The following MAP3K4 variants were observed in gnomAD, a reference collection of about 807,000 sequenced individuals.
The protein encoded by MAP3K4 is mitogen-activated protein kinase kinase kinase 4.
MAP3K4 carries 67 observed loss-of-function variants against 185.6 expected under a neutral mutation model. That is an observed-to-expected ratio of 0.36 (90% CI 0.30 to 0.44). MAP3K4 has a LOEUF of 0.44. MAP3K4 is among the 20% of genes least tolerant of loss of function. MAP3K4 has a pLI of 1.00. For missense variants in MAP3K4, 1,551 were observed against 1,995.1 expected (o/e 0.78, Z 4.24); for synonymous variants, 702 against 710.4 (o/e 0.99, Z 0.19).
rs1488791357 is a variant in MAP3K4, at chr6:161,101,989, G to C, written c.3772G>C (p.Asp1258His). 6.2e-7 allele frequency: 1 copy of C among 1,613,438 alleles called. No individual in the cohort carries two copies. The highest frequency in any genetic ancestry group is 1.1e-5 in the South Asian group (1 of 91,042). The change falls in exon 18 of 27, where the codon GAT (aspartate) becomes CAT (histidine). Residue 1258 changes from aspartate (D) to histidine (H), a missense_variant. Around this residue, in one of 16 missense-constraint regions of MAP3K4, gnomAD observed 272 missense variants for 301.2 expected, o/e 0.90. Coordinates refer to ENST00000392142, the MANE Select transcript of MAP3K4 (RefSeq NM_005922.4). The surrounding 1 kb of genome is among the most constrained non-coding windows in gnomAD (Gnocchi z 5.1). ...SRHSSPTEER[D>H]EPAYPRGDSS... ...TCACTCAAGCCCCACGGAGGAGCGA[G>C]ATGGTGAGTGTTTTAAGGTGTTAGC... is the stretch of plus-strand genomic sequence containing the variant.
intron 3 of MAP3K4, among the ~76,000 whole-genome samples, chr6:161,057,717 T>A (rs1784307201): frequency 6.6e-6 from 1 of 152,226 alleles, no homozygotes; most frequent in African/African-American, 2.4e-5. Flanking sequence ...TCATGCTGCT[T>A]AATACAGTTG....
chr6:161,054,065 T>C lies in MAP3K4; in HGVS notation c.1707+4086T>C, dbSNP rs1035499223. Among the ~76,000 whole-genome samples, 1 of 152,240 alleles carries C rather than the reference T, an allele frequency of 6.6e-6. No individual in the cohort carries two copies. Among genetic ancestry groups the C allele is most frequent in the African/African-American group, 2.4e-5 (1 of 41,468 alleles). On this transcript the variant is annotated intron_variant, in intron 3 of 26. Transcript: ENST00000392142. The surrounding 1 kb of genome is among the most constrained non-coding windows in gnomAD (Gnocchi z 4.2). ...ATGTTTGATTTTTCTTATCTATGTC[T>C]TTATATATTTTTTGATTACGTTACT...
chr6:161,036,136 T>C (rs986092315), intron 2 of MAP3K4, among the ~76,000 whole-genome samples: 9 of 152,216 alleles, frequency 5.9e-5, no homozygotes, highest in African/African-American at 1.9e-4. Context: ...TGCTGGTCTG[T>C]GCGAGAGATA....
chr6:161,042,387 C>G (rs1172449801), intron 2 of MAP3K4, among the ~76,000 whole-genome samples: 1 of 152,176 alleles, frequency 6.6e-6, no homozygotes, highest in African/African-American at 2.4e-5. Context: ...ATTAGCTCTG[C>G]ATTACCTGAA....
chr6:161,013,571 G>A (rs941227327), intron 1 of MAP3K4, among the ~76,000 whole-genome samples: 2 of 145,830 alleles, frequency 1.4e-5, no homozygotes, highest in Admixed American at 6.6e-5. Context: ...CAAAAGTGAG[G>A]TTTAGCCCAT....
Position 161,093,762 on chromosome 6 carries a change from T to A in MAP3K4, c.3349-11T>A, listed in dbSNP as rs1231916546. On this transcript the variant is annotated splice_polypyrimidine_tract_variant and intron_variant, in intron 14 of 26. Coordinates refer to ENST00000392142, the MANE Select transcript of MAP3K4 (RefSeq NM_005922.4). This position sits in a 1 kb window ranked among gnomAD's most constrained non-coding sequence, Gnocchi z 5.2. The stretch of plus-strand genomic sequence containing the variant: ...TTCTCTTTACCTTTCCCATTTTCTT[T>A]TGGTTTCTAGAGTTTACAAGCCTTG... 1 of 1,584,062 alleles carries A rather than the reference T, an allele frequency of 6.3e-7. No individual in the cohort carries two copies. The highest frequency in any genetic ancestry group is 1.7e-5 in the Admixed American group (1 of 58,624).
In MAP3K4 at chr6:161,112,690, C is replaced by T; in HGVS notation, c.4542C>T (p.Ile1514=). Residue 1514 remains isoleucine, a synonymous_variant, in exon 25 of 27, where the codon ATC becomes ATT. Transcript: ENST00000392142. The surrounding 1 kb of genome is among the most constrained non-coding windows in gnomAD (Gnocchi z 5.1). ...GTAAYMAPEV[I]TRAKGEGHGR... is the part of the protein sequence containing the mutation. ...AAGCATACATGGCACCTGAAGTCAT[C>T]ACTCGTGCCAAAGGAGAGGGCCATG... 1 of 1,600,136 alleles carries T rather than the reference C, an allele frequency of 6.2e-7. No individual in the cohort carries two copies. Among genetic ancestry groups the T allele is most frequent in the African/African-American group, 1.3e-5 (1 of 74,368 alleles).
chr6:161,070,622 A>G lies in MAP3K4; in HGVS notation c.1722A>G (p.Pro574=), dbSNP rs779596335. The G allele has an allele frequency of 6.2e-7, 1 of 1,612,968 alleles. No homozygotes were observed. The highest frequency in any genetic ancestry group is 1.3e-5 in the African/African-American group (1 of 74,962). Residue 574 remains proline, a synonymous_variant, in exon 4 of 27, where the codon CCA becomes CCG. Coordinates refer to ENST00000392142, the MANE Select transcript of MAP3K4 (RefSeq NM_005922.4). The surrounding 1 kb of genome is among the most constrained non-coding windows in gnomAD (Gnocchi z 4.5). ...NDRPVEFSEF[P]DPMWGSDYVQ... is the part of the protein sequence containing the mutation. ...TTTTGTTATAGTTTTCTGAATTTCC[A>G]GATCCCATGTGGGGTTCAGATTATG... is the stretch of plus-strand genomic sequence containing the variant.
chr6:161,116,773 G>A lies in MAP3K4; in HGVS notation c.4807-77G>A, dbSNP rs113543788. The A allele has an allele frequency of 7.1e-4, 950 of 1,330,376 alleles. 6 individuals are homozygous for A. The African/African-American group carries it at 0.012, about 17-fold the overall frequency. 82.4% of individuals were successfully genotyped at this position (1,330,376 alleles called of 1,614,324 possible). On this transcript the variant is annotated intron_variant, in intron 26 of 26. Coordinates refer to ENST00000392142, the MANE Select transcript of MAP3K4 (RefSeq NM_005922.4). The surrounding 1 kb of genome is among the most constrained non-coding windows in gnomAD (Gnocchi z 6.2). ...AGGATGAGTGGATGGGGCCTTCCCC[G>A]TAAGACTCATACTGCGCGTATGCAC...
In MAP3K4 at chr6:161,080,791, T is replaced by G; in HGVS notation, c.2098-90T>G. ...GTGACAGCCCCCGGCCCGCCCCCAC[T>G]TTACCCTGCTGATGTGTAGCTTTCA... On this transcript the variant is annotated intron_variant, in intron 5 of 26. Transcript: ENST00000392142. This position sits in a 1 kb window ranked among gnomAD's most constrained non-coding sequence, Gnocchi z 4.8. 8.1e-7 allele frequency: 1 copy of G among 1,237,882 alleles called. No homozygotes were observed. The highest frequency in any genetic ancestry group is 2.5e-5 in the East Asian group (1 of 39,528). The allele number at this position is 1,237,882 out of a possible 1,614,324, so 76.7% of individuals were successfully genotyped here.
In MAP3K4 at chr6:161,109,825, A is replaced by G. The variant is rs1778265759; in HGVS notation, c.4307A>G (p.Gln1436Arg). ...GAAGAGGTGTCAAGGCTGGGACTTC[A>G]GGAACATGTGATTAGGCTGTATTCA... ...TLEEVSRLGL[Q>R]EHVIRLYSKQ... The change falls in exon 23 of 27, where the codon CAG (glutamine) becomes CGG (arginine). Residue 1436 changes from glutamine (Q) to arginine (R), a missense_variant. Physicochemically the swap from Gln to Arg is conservative, Grantham distance 43. This residue lies in a region of MAP3K4 where 159 missense variants were observed against 300.5 expected (regional missense o/e 0.53). Coordinates refer to ENST00000392142, the MANE Select transcript of MAP3K4 (RefSeq NM_005922.4). The surrounding 1 kb of genome is among the most constrained non-coding windows in gnomAD (Gnocchi z 5.7). 1 of 1,614,094 alleles carries G rather than the reference A, an allele frequency of 6.2e-7. No homozygotes were observed. Among genetic ancestry groups the G allele is most frequent in the Admixed American group, 1.7e-5 (1 of 60,012 alleles).
rs1258729732 is a variant in MAP3K4 at position 161,008,778 on chromosome 6, A to G, written c.152+16695A>G. ...CCCTTTCTTTCCTCATTATCCTGAC[A>G]TTTACTGATATTTTACATCTACTAC... is the stretch of plus-strand genomic sequence containing the variant. On this transcript the variant is annotated intron_variant, in intron 1 of 26. Transcript: ENST00000392142. The surrounding 1 kb of genome is among the most constrained non-coding windows in gnomAD (Gnocchi z 4.1). 6.6e-6 allele frequency among the ~76,000 whole-genome samples: 1 copy of G among 152,090 alleles called. No homozygotes were observed. Among genetic ancestry groups the G allele is most frequent in the African/African-American group, 2.4e-5 (1 of 41,406 alleles).
At chr6:161,042,821 A>G (rs982316222) in intron 2 of MAP3K4, among the ~76,000 whole-genome samples, 4 of 152,182 alleles carry the variant, frequency 2.6e-5, no homozygotes, top group African/African-American at 7.2e-5. Flanking sequence ...TTGCATTTCT[A>G]TTCTAGCACT....
intron 1 of MAP3K4, among the ~76,000 whole-genome samples, chr6:160,998,043 AAAAT>A (rs1298626105): frequency 6.6e-6 from 1 of 152,114 alleles, no homozygotes; most frequent in Non-Finnish European, 1.5e-5. Flanking sequence ...TAAATAAATA[AAAAT>A]AAATAAAGAG....
rs1785043246 is a variant in MAP3K4 at position 161,073,572 on chromosome 6, A to G, written c.2057A>G (p.Asn686Ser). 6.2e-7 allele frequency: 1 copy of G among 1,614,058 alleles called. No homozygotes were observed. Among genetic ancestry groups the G allele is most frequent in the Non-Finnish European group, 8.5e-7 (1 of 1,179,972 alleles). ...GAGGACTTGGAGAAGCCCGACTGCAACATTGACGCTTTTGAAGAGGATCTA... is the reference window on the plus strand; with the variant it reads ...GAGGACTTGGAGAAGCCCGACTGCAGCATTGACGCTTTTGAAGAGGATCTA... Reference protein sequence around the residue: ...VLEDLEKPDCNIDAFEEDLHK... With the variant: ...VLEDLEKPDCSIDAFEEDLHK... The change falls in exon 5 of 27, where the codon AAC (asparagine) becomes AGC (serine). Residue 686 changes from asparagine to serine, a missense_variant. Physicochemically the swap from Asn to Ser is conservative, Grantham distance 46. Transcript: ENST00000392142. The surrounding 1 kb of genome is among the most constrained non-coding windows in gnomAD (Gnocchi z 4.2).
intron 3 of MAP3K4, among the ~76,000 whole-genome samples, chr6:161,060,864 C>CCGGCCT (rs1784457657): frequency 6.6e-6 from 1 of 152,114 alleles, no homozygotes; most frequent in African/African-American, 2.4e-5. Flanking sequence ...AAGTGATCTG[C>CCGGCCT]CGGCCTCGGC....
intron 1 of MAP3K4, among the ~76,000 whole-genome samples, chr6:161,014,570 T>A (rs1320449971): frequency 6.6e-6 from 1 of 152,230 alleles, no homozygotes; most frequent in Non-Finnish European, 1.5e-5. Context: ...TCCCTTTTTT[T>A]ATATGAGGAT....
At position 161,097,065 on chromosome 6, in the gene MAP3K4, CA is replaced by C. The variant is rs1159847727; in HGVS notation, c.3428-14del. Reference sequence around the variant, plus strand: ...CATATTAACAAGTTGCATTTGTTGCCATTTTTGCTGGCAGCCATTCATCGGA... The same window carrying C: ...CATATTAACAAGTTGCATTTGTTGCCTTTTTGCTGGCAGCCATTCATCGGA... On this transcript the variant is annotated splice_polypyrimidine_tract_variant and intron_variant, in intron 15 of 26. Coordinates refer to ENST00000392142, the MANE Select transcript of MAP3K4 (RefSeq NM_005922.4). The surrounding 1 kb of genome is among the most constrained non-coding windows in gnomAD (Gnocchi z 4.9). The C allele has an allele frequency of 1.2e-6, 2 of 1,610,780 alleles. No homozygotes were observed. The highest frequency in any genetic ancestry group is 4.5e-5 in the East Asian group (2 of 44,860).
intron 1 of MAP3K4, among the ~76,000 whole-genome samples, chr6:161,012,220 G>A (rs571205662): frequency 6.6e-6 from 1 of 152,256 alleles, no homozygotes; most frequent in East Asian, 1.9e-4. Flanking sequence ...TTAATTCACT[G>A]AACATCTTCC....
Sources: gnomAD v4.1 joint callset for allele counts (sites outside exome capture counted in the v4.1 genomes callset) on GRCh38, gnomAD v4.1.1 for gene constraint, gnomAD v4.1.1 regional missense constraint, Gnocchi (gnomAD v3.1) non-coding constraint, MANE v1.5 for transcripts, NCBI Gene and HGNC (gene_info 2026-07-23, HGNC 2026-07-21) for gene names.